DUSP22: variants seen among roughly 807,000 people sequenced by gnomAD.
DUSP22 encodes dual specificity protein phosphatase 22.
A neutral mutation model predicts 24.5 loss-of-function variants in DUSP22; 24 were observed. The observed-to-expected ratio is 0.98, with a 90% CI of 0.71 to 1.38. DUSP22 has a LOEUF of 1.38. Ranked by LOEUF, DUSP22 falls within the 40% of genes most tolerant of loss-of-function variation. The pLI, the probability that DUSP22 is intolerant of heterozygous loss-of-function variation, is 0.00. For missense variants in DUSP22, 330 were observed against 269.2 expected, an observed-to-expected ratio of 1.23 and a Z score of -1.58; for synonymous variants, 160 against 106.4, an observed-to-expected ratio of 1.50 and a Z score of -3.10.
intron 3 of DUSP22, among the ~76,000 whole-genome samples, chr6:321,739 A>G (rs1014222255): frequency 3.3e-5 from 5 of 152,312 alleles, no homozygotes; most frequent in Non-Finnish European, 5.9e-5. Flanking sequence ...ATTAAAAAAA[A>G]AGGAACAATC....
At chr6:302,413 C>T (rs1757624286) in intron 1 of DUSP22, among the ~76,000 whole-genome samples, 1 of 152,306 alleles carries the variant, frequency 6.6e-6, no homozygotes, top group Non-Finnish European at 1.5e-5. Flanking sequence ...CCAGTAGAGA[C>T]AAGACCCTTT....
chr6:342,078 C>T (rs1759633804), intron 4 of DUSP22, among the ~76,000 whole-genome samples: 1 of 152,310 alleles, frequency 6.6e-6, no homozygotes, highest in East Asian at 1.9e-4. Flanking sequence ...CAGTTGTCAT[C>T]TTTACAAGAC....
At chr6:315,501 C>G (rs1758302114) in intron 3 of DUSP22, among the ~76,000 whole-genome samples, 1 of 152,308 alleles carries the variant, frequency 6.6e-6, no homozygotes, top group African/African-American at 2.4e-5. Context: ...CCTCTGTTCT[C>G]TCCTAGCACG....
At chr6:301,730 C>T (rs530538237) in intron 1 of DUSP22, among the ~76,000 whole-genome samples, 10 of 152,384 alleles carry the variant, frequency 6.6e-5, no homozygotes, top group East Asian at 3.9e-4. Context: ...GGTTTTCATT[C>T]GGGGTGACTG....
At chr6:309,407 A>AT (rs1757964854) in intron 2 of DUSP22, among the ~76,000 whole-genome samples, 1 of 152,308 alleles carries the variant, frequency 6.6e-6, no homozygotes, top group African/African-American at 2.4e-5. Context: ...ATAGCCCTAA[A>AT]TTTGAAGCTC....
Position 350,526 on chromosome 6 carries a change from T to C in DUSP22, c.*1575T>C, listed in dbSNP as rs1760146842. 7.5e-7 allele frequency: 1 copy of C among 1,326,746 alleles called. No individual in the cohort carries two copies. Among genetic ancestry groups the C allele is most frequent in the South Asian group, 1.7e-5 (1 of 59,746 alleles). 82.2% of individuals were successfully genotyped at this position (1,326,746 alleles called of 1,614,324 possible). On this transcript the variant is annotated 3_prime_UTR_variant, in exon 7 of 7. Coordinates refer to ENST00000419235, the MANE Select transcript of DUSP22 (RefSeq NM_001286555.3). Reference sequence around the variant, plus strand: ...TATAGAGGGTGTGTCAAAGGTGAGCTTTTTGGGGACCGGGAAAAACAAAGT... The same window carrying C: ...TATAGAGGGTGTGTCAAAGGTGAGCCTTTTGGGGACCGGGAAAAACAAAGT...
intron 2 of DUSP22, among the ~76,000 whole-genome samples, chr6:309,315 G>T (rs954017725): frequency 9.8e-5 from 15 of 152,410 alleles, no homozygotes; most frequent in African/African-American, 2.2e-4. Flanking sequence ...CATGTTCCTC[G>T]TATAAAAAGG....
intron 6 of DUSP22, 181 bp from the exon 7 acceptor site, chr6:348,588 G>T: frequency 7.4e-6 from 8 of 1,083,100 alleles, no homozygotes; most frequent in Non-Finnish European, 5.3e-6. Context: ...CACCTTGAAG[G>T]AGCAGTTCCT....
At chr6:332,470 C>A (rs1185168102) in intron 3 of DUSP22, among the ~76,000 whole-genome samples, 2 of 152,310 alleles carry the variant, frequency 1.3e-5, no homozygotes, top group African/African-American at 4.8e-5. Flanking sequence ...GGTGCTCCTG[C>A]CTCATGGGAC....
At chr6:323,319 C>T (rs1363103358) in intron 3 of DUSP22, among the ~76,000 whole-genome samples, 1 of 152,300 alleles carries the variant, frequency 6.6e-6, no homozygotes, top group Non-Finnish European at 1.5e-5. Context: ...TCCCTCCTTT[C>T]AGTTATCACC....
chr6:297,770 G>A (rs1205383058), intron 1 of DUSP22, among the ~76,000 whole-genome samples: 2 of 152,302 alleles, frequency 1.3e-5, no homozygotes, highest in East Asian at 3.8e-4. Flanking sequence ...GGCTTACAGG[G>A]TTGAGAAGCT....
At chr6:295,641 CA>C (rs1304687669) in intron 1 of DUSP22, among the ~76,000 whole-genome samples, 1 of 151,940 alleles carries the variant, frequency 6.6e-6, no homozygotes, top group Non-Finnish European at 1.5e-5. Context: ...CCCACAAAAA[CA>C]AAGCAATCAG....
intron 3 of DUSP22, among the ~76,000 whole-genome samples, chr6:333,039 G>A (rs978870923): frequency 2.6e-5 from 4 of 152,302 alleles, no homozygotes; most frequent in East Asian, 1.9e-4. Context: ...CCTCCACGAA[G>A]GAAAGGACTG....
At chr6:345,724 G>A (rs1759832920) in intron 4 of DUSP22, 130 bp from the exon 5 acceptor site, 1 of 1,127,620 alleles carries the variant, frequency 8.9e-7, no homozygotes. Flanking sequence ...CCATAAATAT[G>A]TAGAATTATG....
At chr6:334,288 C>T (rs1759268021) in intron 3 of DUSP22, among the ~76,000 whole-genome samples, 1 of 152,286 alleles carries the variant, frequency 6.6e-6, no homozygotes, top group Non-Finnish European at 1.5e-5. Context: ...TCATCTAATT[C>T]TTCATCAGGC....
intron 1 of DUSP22, among the ~76,000 whole-genome samples, chr6:303,692 C>CT (rs1245042463): frequency 6.6e-6 from 1 of 152,310 alleles, no homozygotes; most frequent in South Asian, 2.1e-4. Flanking sequence ...CGTGAGCATA[C>CT]TTTAACAAGT....
rs1284586066 is a variant in DUSP22 at position 348,205 on chromosome 6, A to G, written c.366A>G (p.Arg122=). 2 of 1,614,194 alleles carry G rather than the reference A, an allele frequency of 1.2e-6. No homozygotes were observed. Among genetic ancestry groups the G allele is most frequent in the African/African-American group, 1.3e-5 (1 of 74,968 alleles). ...CCCTGCACACCGTGCGTGCTGGGAG[A>G]TCCTGTGCCAACCCCAACGTGGGCT... ...EDALHTVRAG[R]SCANPNVGFQ... Residue 122 remains arginine (R), a synonymous_variant, in exon 6 of 7, where the codon AGA becomes AGG. Coordinates refer to ENST00000419235, the MANE Select transcript of DUSP22 (RefSeq NM_001286555.3).
intron 1 of DUSP22, among the ~76,000 whole-genome samples, chr6:301,446 C>T: frequency 6.6e-6 from 1 of 152,298 alleles, no homozygotes; most frequent in Non-Finnish European, 1.5e-5. Flanking sequence ...CTGCGGAAGC[C>T]ATGCTGAATA....
At chr6:338,779 T>C (rs1363300411) in intron 4 of DUSP22, among the ~76,000 whole-genome samples, 1 of 152,302 alleles carries the variant, frequency 6.6e-6, no homozygotes, top group African/African-American at 2.4e-5. Flanking sequence ...AATTTAACAC[T>C]CTATATCTTA....
Sources: gnomAD v4.1 joint callset for allele counts (sites outside exome capture counted in the v4.1 genomes callset) on GRCh38, gnomAD v4.1.1 for gene constraint, MANE v1.5 for transcripts, NCBI Gene and HGNC (gene_info 2026-07-23, HGNC 2026-07-21) for gene names.